PPHLN1: variants seen among roughly 807,000 people sequenced by gnomAD.
PPHLN1 encodes the protein periphilin 1, also known as periphilin-1.
In PPHLN1, 29 loss-of-function variants were observed where a neutral mutation model predicts 51.3. The observed-to-expected ratio is 0.57, with a 90% CI of 0.42 to 0.77. The LOEUF (loss-of-function observed/expected upper bound fraction) is 0.77, where lower values mean the gene tolerates loss of function less well. Among genes scored for constraint, PPHLN1 ranks in the 30% least tolerant of loss-of-function variants. The pLI, the probability that PPHLN1 is intolerant of heterozygous loss-of-function variation, is 0.00. For missense variants in PPHLN1, 436 were observed against 438.4 expected (o/e 0.99, Z 0.05); for synonymous variants, 147 against 147.8 (o/e 0.99, Z 0.04).
At chr12:42,357,511 A>G (rs2074176817) in intron 4 of PPHLN1, among the ~76,000 whole-genome samples, 1 of 152,218 alleles carries the variant, frequency 6.6e-6, no homozygotes, top group Admixed American at 6.5e-5. Context: ...CAATGGAGAA[A>G]GAATGAACTT....
chr12:42,366,314 A>C (rs34852216), intron 4 of PPHLN1, among the ~76,000 whole-genome samples: 1 of 141,140 alleles, frequency 7.1e-6, no homozygotes, highest in East Asian at 2.1e-4. Context: ...GGCAGCTTTC[A>C]CCTCCCAGGT....
At chr12:42,405,599 G>A (rs745574691) in intron 9 of PPHLN1, among the ~76,000 whole-genome samples, 9 of 150,744 alleles carry the variant, frequency 6.0e-5, no homozygotes, top group Non-Finnish European at 1.2e-4. Context: ...TGTTTTTGGG[G>A]TTTTAAAAAG....
chr12:42,431,091 C>G (rs2081997803), intron 9 of PPHLN1, among the ~76,000 whole-genome samples: 2 of 152,172 alleles, frequency 1.3e-5, no homozygotes, highest in African/African-American at 4.8e-5. Context: ...CAAGGTGGAA[C>G]AGTCACTGCC....
chr12:42,439,195 A>G (rs1206097219), intron 9 of PPHLN1, among the ~76,000 whole-genome samples: 2 of 152,182 alleles, frequency 1.3e-5, no homozygotes, highest in Non-Finnish European at 1.5e-5. Flanking sequence ...TCTGCGATCC[A>G]TTTTGAGTTA....
chr12:42,383,948 C>T (rs1451003932), intron 5 of PPHLN1, among the ~76,000 whole-genome samples: 7 of 130,698 alleles, frequency 5.4e-5, no homozygotes. Context: ...CACGCCACTG[C>T]ACTCCAGCCT....
At chr12:42,361,602 C>T (rs1364159655) in intron 4 of PPHLN1, 1 of 152,060 alleles carries the variant, frequency 6.6e-6, no homozygotes, top group African/African-American at 2.4e-5. Flanking sequence ...AGTGAGAGTC[C>T]CTTCAAGTTA....
intron 9 of PPHLN1, among the ~76,000 whole-genome samples, chr12:42,430,463 T>A (rs2081940444): frequency 6.6e-6 from 1 of 152,200 alleles, no homozygotes; most frequent in Admixed American, 6.5e-5. Flanking sequence ...TTTTGTATGC[T>A]ATACATATTA....
chr12:42,391,345 TCTC>T (rs2077692409), intron 7 of PPHLN1, among the ~76,000 whole-genome samples: 1 of 152,088 alleles, frequency 6.6e-6, no homozygotes, highest in Non-Finnish European at 1.5e-5. Flanking sequence ...TTCAAGCAAT[TCTC>T]CTGCCTCAAC....
At chr12:42,427,051 C>T (rs1381503289) in intron 9 of PPHLN1, among the ~76,000 whole-genome samples, 1 of 152,078 alleles carries the variant, frequency 6.6e-6, no homozygotes, top group Non-Finnish European at 1.5e-5. Flanking sequence ...TTTTTCACTT[C>T]GAGAACTGGC....
rs561866711 is a variant in PPHLN1, at chr12:42,441,435, C to T, written c.1030C>T (p.Arg344Trp). 7.4e-6 allele frequency: 12 copies of T among 1,612,976 alleles called. No individual in the cohort carries two copies. Among genetic ancestry groups the T allele is most frequent in the Middle Eastern group, 1.7e-4 (1 of 6,060 alleles). ...LRQNLHEIGE[R>W]CVEELKHFIA... ...GCAGAATTTACATGAAATAGGTGAG[C>T]GGTGTGTTGAAGAACTCAAGCATTT... is the stretch of plus-strand genomic sequence containing the variant. The change falls in exon 10 of 10, where the codon CGG (arginine) becomes TGG (tryptophan). Residue 344 changes from arginine to tryptophan, a missense_variant. Coordinates refer to ENST00000358314, the MANE Select transcript of PPHLN1 (RefSeq NM_201439.2).
At chr12:42,366,550 TTTG>T (rs759970547) in intron 4 of PPHLN1, among the ~76,000 whole-genome samples, 13 of 151,530 alleles carry the variant, frequency 8.6e-5, no homozygotes, top group Non-Finnish European at 1.9e-4. Context: ...TGTTTTTGTT[TTTG>T]TTTTTGTTTT....
downstream of PPHLN1, chr12:42,442,584 C>T (rs2083052883): frequency 8.7e-6 from 14 of 1,608,756 alleles, no homozygotes; most frequent in Non-Finnish European, 1.2e-5. Context: ...GTCCCCTAGC[C>T]ATTCTTACAC....
intron 9 of PPHLN1, among the ~76,000 whole-genome samples, chr12:42,439,190 G>A (rs1369377913): frequency 5.9e-5 from 9 of 152,214 alleles, no homozygotes; most frequent in East Asian, 1.9e-4. Context: ...TTAGGTCTGC[G>A]ATCCATTTTG....
At chr12:42,410,046 G>T (rs941119742) in intron 9 of PPHLN1, among the ~76,000 whole-genome samples, 7 of 151,806 alleles carry the variant, frequency 4.6e-5, no homozygotes, top group African/African-American at 1.7e-4. Context: ...AAATCTAGAG[G>T]GTTTAAATAG....
intron 2 of PPHLN1, among the ~76,000 whole-genome samples, chr12:42,342,136 G>A (rs2071605031): frequency 6.6e-6 from 1 of 152,166 alleles, no homozygotes; most frequent in South Asian, 2.1e-4. Flanking sequence ...TAAAGCTCTT[G>A]TTTTTAAAGC....
intron 5 of PPHLN1, among the ~76,000 whole-genome samples, chr12:42,379,787 T>G (rs1364475244): frequency 3.9e-5 from 6 of 152,070 alleles, no homozygotes; most frequent in Non-Finnish European, 8.8e-5. Context: ...ATTCTCAAAA[T>G]CTCATTTAGT....
At chr12:42,417,006 T>C (rs2080447635) in intron 9 of PPHLN1, among the ~76,000 whole-genome samples, 1 of 152,158 alleles carries the variant, frequency 6.6e-6, no homozygotes, top group African/African-American at 2.4e-5. Context: ...ATGATTAAGA[T>C]GTTTGTTGGA....
chr12:42,409,820 C>G (rs2079642183), intron 9 of PPHLN1, among the ~76,000 whole-genome samples: 1 of 151,930 alleles, frequency 6.6e-6, no homozygotes, highest in Non-Finnish European at 1.5e-5. Context: ...TATTATGTGT[C>G]TGTTTTCATT....
intron 2 of PPHLN1, among the ~76,000 whole-genome samples, chr12:42,338,512 T>G (rs1476183649): frequency 1.3e-5 from 2 of 151,718 alleles, no homozygotes; most frequent in East Asian, 3.9e-4. Context: ...AAAGAATGAG[T>G]GGTTGAGGGA....
Sources: gnomAD v4.1 joint callset for allele counts (sites outside exome capture counted in the v4.1 genomes callset) on GRCh38, gnomAD v4.1.1 for gene constraint, MANE v1.5 for transcripts, NCBI Gene and HGNC (gene_info 2026-07-23, HGNC 2026-07-21) for gene names.